TRIM31: variants seen among roughly 807,000 people sequenced by gnomAD.
The protein encoded by TRIM31 is tripartite motif containing 31.
TRIM31 carries 31 observed loss-of-function variants against 40.6 expected under a neutral mutation model. The observed-to-expected ratio is 0.76, with a 90% CI of 0.57 to 1.03. The LOEUF is 1.03. Ranked by LOEUF, TRIM31 falls within the 50% of genes least tolerant of loss-of-function variation. The pLI is 0.00. For missense variants in TRIM31, 455 were observed against 497.5 expected, an observed-to-expected ratio of 0.91 and a Z score of 0.81; for synonymous variants, 164 against 193.9, an observed-to-expected ratio of 0.85 and a Z score of 1.28.
chr6:30,104,351 C>A (rs1768481871), intron 7 of TRIM31, among the ~76,000 whole-genome samples, 184 bp from the exon 8 acceptor site: 1 of 152,144 alleles, frequency 6.6e-6, no homozygotes, highest in South Asian at 2.1e-4. Context: ...GAGTGTGGTT[C>A]TCTACTGGCT....
intron 1 of TRIM31, 35 bp downstream of exon 1, chr6:30,113,029 A>G (rs1193373335): frequency 1.9e-6 from 1 of 520,846 alleles, no homozygotes; most frequent in Non-Finnish European, 3.3e-6. Flanking sequence ...TCTAGAAAAT[A>G]TTATAAAGAG....
chr6:30,103,445 G>A lies in TRIM31; in HGVS notation c.*91C>T. 1 of 1,544,956 alleles carries A rather than the reference G, an allele frequency of 6.5e-7. No homozygotes were observed. The highest frequency in any genetic ancestry group is 2.3e-5 in the East Asian group (1 of 42,788). ...CTTCGACCCAATTCCACTAAGTCAAGAACCGTGGTCGGTCTCAGCCACTCA... is the reference window on the plus strand; with the variant it reads ...CTTCGACCCAATTCCACTAAGTCAAAAACCGTGGTCGGTCTCAGCCACTCA... On this transcript the variant is annotated 3_prime_UTR_variant, in exon 9 of 9. Coordinates refer to ENST00000376734, the MANE Select transcript of TRIM31 (RefSeq NM_007028.5).
intron 4 of TRIM31, 98 bp downstream of exon 4, chr6:30,110,349 GT>G (rs1318384280): frequency 8.6e-7 from 1 of 1,169,100 alleles, no homozygotes; most frequent in Non-Finnish European, 1.3e-6. Context: ...AGGTAGGATG[GT>G]TGGGGCAATC....
chr6:30,105,548 A>C, intron 6 of TRIM31: 1 of 210,132 alleles, frequency 4.8e-6, no homozygotes, highest in Middle Eastern at 1.6e-3. Context: ...GAAAGAAACT[A>C]GTAAAATTAA....
Position 30,111,208 on chromosome 6 carries a change from C to CT in TRIM31, c.513+439dup, listed in dbSNP as rs567538088. 1,810 of 164,030 alleles carry CT rather than the reference C, an allele frequency of 0.011. 49 individuals carry two copies. The South Asian group carries it at 0.12, about 10-fold the overall frequency. 10.2% of individuals were successfully genotyped at this position (164,030 alleles called of 1,614,324 possible). A position where few individuals can be genotyped will look rare whatever the true frequency, so the allele number is the denominator to read the frequency against. On this transcript the variant is annotated intron_variant, in intron 3 of 8. Coordinates refer to ENST00000376734, the MANE Select transcript of TRIM31 (RefSeq NM_007028.5). ...CTACCACGCCCGGCTAGTTTTCTTT[C>CT]TTTTTTTTTTTAATTAAGAGGAGAG...
intron 6 of TRIM31, among the ~76,000 whole-genome samples, chr6:30,105,966 G>C (rs1768641467): frequency 6.6e-6 from 1 of 152,206 alleles, no homozygotes; most frequent in African/African-American, 2.4e-5. Flanking sequence ...CTTGAGAGGG[G>C]GAACGAAGAC....
At position 30,112,424 on chromosome 6, in the gene TRIM31, CATT is replaced by C. The variant is rs1252077001; in HGVS notation, c.379_381del (p.Asn127del). ...TGGGCAGCTTCTTCGATCAAGCTGA[CATT>C]ATGGGATTTGTGGTCCTTGGATTCA... On this transcript the variant is annotated inframe_deletion, in exon 2 of 9. Transcript: ENST00000376734. 2 of 1,612,844 alleles carry C rather than the reference CATT, an allele frequency of 1.2e-6. No individual in the cohort carries two copies. Among genetic ancestry groups the C allele is most frequent in the Admixed American group, 1.7e-5 (1 of 59,970 alleles).
Position 30,103,603 on chromosome 6 carries a change from A to G in TRIM31, c.1211T>C (p.Leu404Pro). 1.9e-6 allele frequency: 3 copies of G among 1,613,054 alleles called. No individual in the cohort carries two copies. The highest frequency in any genetic ancestry group is 2.5e-6 in the Non-Finnish European group (3 of 1,180,034). ...KTFDVALSEE[L>P]HAALSEWLTA... Reference sequence around the variant, plus strand: ...CAGCCACTCACTCAGTGCCGCATGGAGCTCCTCGGACAGCGCAACGTCAAA... The same window carrying G: ...CAGCCACTCACTCAGTGCCGCATGGGGCTCCTCGGACAGCGCAACGTCAAA... Residue 404 changes from leucine to proline, a missense_variant, in exon 9 of 9, where the codon CTC becomes CCC. Coordinates refer to ENST00000376734, the MANE Select transcript of TRIM31 (RefSeq NM_007028.5).
chr6:30,107,056 C>T (rs1768784190), intron 6 of TRIM31, among the ~76,000 whole-genome samples: 5 of 152,014 alleles, frequency 3.3e-5, no homozygotes, highest in Admixed American at 1.3e-4. Flanking sequence ...GCCGAGATTG[C>T]GCCACTGCAC....
intron 6 of TRIM31, among the ~76,000 whole-genome samples, chr6:30,107,321 C>T (rs1199088139): frequency 2.4e-5 from 3 of 125,848 alleles, no homozygotes; most frequent in African/African-American, 9.1e-5. Context: ...CCCTGGTCCT[C>T]CTTTTCCGTA....
In TRIM31 at chr6:30,110,646, GA is replaced by G; in HGVS notation, c.545del (p.Leu182ProfsTer11). The G allele has an allele frequency of 6.2e-7, 1 of 1,614,198 alleles. No homozygotes were observed. On this transcript the variant is annotated frameshift_variant, in exon 4 of 9. Coordinates refer to ENST00000376734, the MANE Select transcript of TRIM31 (RefSeq NM_007028.5). LOFTEE classifies it high-confidence loss of function. ...DQVEHEKQRI[L>X]TEFELLHQVL... The stretch of plus-strand genomic sequence containing the variant: ...CTTGATGCAGGAGTTCAAATTCTGT[GA>G]GGATCCTTTGCTTCTCATGTTCTAC...
Position 30,103,480 on chromosome 6 carries a change from A to G in TRIM31, c.*56T>C. 1 of 1,601,496 alleles carries G rather than the reference A, an allele frequency of 6.2e-7. No homozygotes were observed. The highest frequency in any genetic ancestry group is 1.1e-5 in the South Asian group (1 of 90,410). On this transcript the variant is annotated 3_prime_UTR_variant, in exon 9 of 9. Coordinates refer to ENST00000376734, the MANE Select transcript of TRIM31 (RefSeq NM_007028.5). ...CGGTCTCAGCCACTCACTCAGCGCC[A>G]CTCTATGCTCCGAAGTCCGTGTAGC...
rs1233980335 is a variant in TRIM31 at position 30,103,449 on chromosome 6, C to T, written c.*87G>A. Reference sequence around the variant, plus strand: ...GACCCAATTCCACTAAGTCAAGAACCGTGGTCGGTCTCAGCCACTCACTCA... The same window carrying T: ...GACCCAATTCCACTAAGTCAAGAACTGTGGTCGGTCTCAGCCACTCACTCA... On this transcript the variant is annotated 3_prime_UTR_variant, in exon 9 of 9. Coordinates refer to ENST00000376734, the MANE Select transcript of TRIM31 (RefSeq NM_007028.5). 7 of 1,568,676 alleles carry T rather than the reference C, an allele frequency of 4.5e-6. No homozygotes were observed. The highest frequency in any genetic ancestry group is 4.1e-5 in the African/African-American group (3 of 73,972).
Position 30,103,620 on chromosome 6 carries a change from A to G in TRIM31, c.1194T>C (p.Val398=), listed in dbSNP as rs1234355298. The G allele has an allele frequency of 1.2e-6, 2 of 1,612,940 alleles. No individual in the cohort carries two copies. The highest frequency in any genetic ancestry group is 2.7e-5 in the African/African-American group (2 of 74,920). ...CCGCATGGAGCTCCTCGGACAGCGC[A>G]ACGTCAAATGTCTTCGTATCCTGAG... ...ASSQDTKTFD[V]ALSEELHAAL... is the part of the protein sequence containing the mutation. Residue 398 remains valine (V), a synonymous_variant, in exon 9 of 9, where the codon GTT becomes GTC. Coordinates refer to ENST00000376734, the MANE Select transcript of TRIM31 (RefSeq NM_007028.5).
At chr6:30,106,582 A>T (rs1248240425) in intron 6 of TRIM31, among the ~76,000 whole-genome samples, 1 of 147,078 alleles carries the variant, frequency 6.8e-6, no homozygotes, top group Admixed American at 6.8e-5. Flanking sequence ...GGGTAAAAAT[A>T]AAATAAAAAT....
Position 30,111,685 on chromosome 6 carries a change from A to G in TRIM31, c.476T>C (p.Val159Ala). Residue 159 changes from valine to alanine, a missense_variant, in exon 3 of 9, where the codon GTG becomes GCG. By Grantham distance (64) the Val-to-Ala change is moderately conservative. Transcript: ENST00000376734. ...LQQKEKETVQ[V>A]KAQGVHRVDV... is the part of the protein sequence containing the mutation. The stretch of plus-strand genomic sequence containing the variant: ...GACCCTGTGTACACCTTGTGCCTTC[A>G]CTTGTACTGTCTCCTTCTCCTTTTG... 1 of 1,614,154 alleles carries G rather than the reference A, an allele frequency of 6.2e-7. No homozygotes were observed. Among genetic ancestry groups the G allele is most frequent in the South Asian group, 1.1e-5 (1 of 91,082 alleles).
rs1437435653 is a variant in TRIM31 at position 30,103,084 on chromosome 6, G to C, written c.*452C>G. ...GGGTTGGGAGAGAAGGGGGACGTGGGAATGTAAGGAAGAGCGAGAGTGGTC... is the reference window on the plus strand; with the variant it reads ...GGGTTGGGAGAGAAGGGGGACGTGGCAATGTAAGGAAGAGCGAGAGTGGTC... On this transcript the variant is annotated 3_prime_UTR_variant, in exon 9 of 9. Coordinates refer to ENST00000376734, the MANE Select transcript of TRIM31 (RefSeq NM_007028.5). 1 of 186,188 alleles carries C rather than the reference G, an allele frequency of 5.4e-6. No homozygotes were observed. The highest frequency in any genetic ancestry group is 1.1e-5 in the Non-Finnish European group (1 of 88,906). The allele number at this position is 186,188 out of a possible 1,614,324, so 11.5% of individuals were successfully genotyped here. A position where few individuals can be genotyped will look rare whatever the true frequency, so the allele number is the denominator to read the frequency against.
chr6:30,109,498 AACCAC>A (rs1161578758), intron 4 of TRIM31, among the ~76,000 whole-genome samples: 2 of 152,242 alleles, frequency 1.3e-5, no homozygotes, highest in East Asian at 3.8e-4. Flanking sequence ...GGTAGCCACC[AACCAC>A]ATGTGGCTAC....
intron 2 of TRIM31, 107 bp downstream of exon 2, chr6:30,112,282 G>T: frequency 7.5e-7 from 1 of 1,333,772 alleles, no homozygotes; most frequent in Non-Finnish European, 1.0e-6. Context: ...AAGCCCAAGG[G>T]GTGGGGGCAA....
Sources: allele counts gnomAD v4.1 joint callset (sites outside exome capture counted in the v4.1 genomes callset), GRCh38; gene constraint gnomAD v4.1.1; transcripts MANE v1.5; gene names NCBI Gene and HGNC (gene_info 2026-07-23, HGNC 2026-07-21).